The following NRXN2 variants were observed in gnomAD, a reference collection of about 807,000 sequenced individuals.
NRXN2 encodes neurexin 2, also known as neurexin-2-beta.
Under a neutral mutation model 128.8 loss-of-function variants are expected in NRXN2, and 29 were observed. The observed-to-expected ratio is 0.23, with a 90% CI of 0.17 to 0.31. The LOEUF (loss-of-function observed/expected upper bound fraction) is 0.31, where lower values mean the gene tolerates loss of function less well. NRXN2 is among the 10% of genes least tolerant of loss of function. The pLI, the probability that NRXN2 is intolerant of heterozygous loss-of-function variation, is 1.00. For synonymous variants in NRXN2, 1,098 were observed against 1,075.2 expected, an observed-to-expected ratio of 1.02 and a Z score of -0.41; for missense variants, 1,881 against 2,452.6, an observed-to-expected ratio of 0.77 and a Z score of 4.92.
Position 64,713,012 on chromosome 11 carries a change from C to A in NRXN2, c.688G>T (p.Asp230Tyr). The A allele has an allele frequency of 6.7e-7, 1 of 1,485,168 alleles. No individual in the cohort carries two copies. Among genetic ancestry groups the A allele is most frequent in the South Asian group, 1.3e-5 (1 of 79,390 alleles). 92.0% of individuals were successfully genotyped at this position (1,485,168 alleles called of 1,614,324 possible). Reference sequence around the variant, plus strand: ...CCGCCGAAGCCCGTGTGGCTGCAGTCGCAGCCCACCTCGCCGGGGGCCAGC... The same window carrying A: ...CCGCCGAAGCCCGTGTGGCTGCAGTAGCAGCCCACCTCGCCGGGGGCCAGC... ...TVLAPGEVGC[D>Y]CSHTGFGGKF... is the part of the protein sequence containing the mutation. Residue 230 changes from aspartate to tyrosine, a missense_variant, in exon 2 of 23, where the codon GAC (aspartate) becomes TAC (tyrosine). By Grantham distance (160) the Asp-to-Tyr change is radical (BLOSUM62 -3). Coordinates refer to ENST00000265459, the MANE Select transcript of NRXN2 (RefSeq NM_015080.4).
chr11:64,703,429 TAA>T (rs1024704558), intron 2 of NRXN2, among the ~76,000 whole-genome samples: 87 of 152,192 alleles, frequency 5.7e-4, no homozygotes, highest in African/African-American at 2.1e-3. Context: ...AAAGTAGGAG[TAA>T]CTTGGCCAAG....
chr11:64,716,332 A>G (rs1451419520), intron 1 of NRXN2, among the ~76,000 whole-genome samples: 1 of 145,964 alleles, frequency 6.9e-6, no homozygotes, highest in Non-Finnish European at 1.5e-5. Flanking sequence ...CACATCCACC[A>G]CCCTTTAGGG....
Position 64,651,413 on chromosome 11 carries a change from G to A in NRXN2, c.2760C>T (p.Val920=), listed in dbSNP as rs2135454844. The change falls in exon 14 of 23, where the codon GTC becomes GTT. Residue 920 remains valine, a synonymous_variant. Coordinates refer to ENST00000265459, the MANE Select transcript of NRXN2 (RefSeq NM_015080.4). This position sits in a 1 kb window ranked among gnomAD's most constrained non-coding sequence, Gnocchi z 5.9. ...FGLRAIVADP[V]TFKSRSSYLA... ...GGTAGCTGCTGCGACTCTTGAAGGT[G>A]ACGGGATCGGCCACGATGGCACGCA... is the stretch of plus-strand genomic sequence containing the variant. 6.2e-7 allele frequency: 1 copy of A among 1,614,228 alleles called. No individual in the cohort carries two copies. Among genetic ancestry groups the A allele is most frequent in the East Asian group, 2.2e-5 (1 of 44,892 alleles).
At chr11:64,692,695 A>C in intron 4 of NRXN2, 152 bp downstream of exon 4, 1 of 817,010 alleles carries the variant, frequency 1.2e-6, no homozygotes, top group Non-Finnish European at 2.1e-6. Flanking sequence ...AAAATTAAGA[A>C]ATGGCAAAGG....
intron 5 of NRXN2, among the ~76,000 whole-genome samples, chr11:64,687,181 G>A (rs2053177623): frequency 1.3e-5 from 2 of 152,234 alleles, no homozygotes; most frequent in Non-Finnish European, 2.9e-5. Context: ...ATTCTCAATA[G>A]ATGCTCCCAA....
chr11:64,626,450 T>C lies in NRXN2; in HGVS notation c.3847+13A>G. 1 of 1,579,190 alleles carries C rather than the reference T, an allele frequency of 6.3e-7. No individual in the cohort carries two copies. The highest frequency in any genetic ancestry group is 8.7e-7 in the Non-Finnish European group (1 of 1,148,414). On this transcript the variant is annotated intron_variant, in intron 20 of 22. Coordinates refer to ENST00000265459, the MANE Select transcript of NRXN2 (RefSeq NM_015080.4). ...AAAGTTAATTAATTAATTAATTAATTCTGGTTAATTACCTTTGTCGAGCAG... is the reference window on the plus strand; with the variant it reads ...AAAGTTAATTAATTAATTAATTAATCCTGGTTAATTACCTTTGTCGAGCAG...
At position 64,667,396 on chromosome 11, in the gene NRXN2, G is replaced by C; in HGVS notation, c.1652C>G (p.Ala551Gly). Residue 551 changes from alanine to glycine, a missense_variant, in exon 9 of 23, where the codon GCC (alanine) becomes GGC (glycine). Around this residue, in one of 7 missense-constraint regions of NRXN2, gnomAD observed 997 missense variants for 1,240.8 expected, o/e 0.80. Transcript: ENST00000265459. This position sits in a 1 kb window ranked among gnomAD's most constrained non-coding sequence, Gnocchi z 5.6. ...CAATAGCTCCATGGCAAAGTAGTCG[G>C]CCCGCTGAGCAGAGCTGTGGCTGCC... ...GAGSHSSAQR[A>G]DYFAMELLDG... is the part of the protein sequence containing the mutation. 1 of 1,614,186 alleles carries C rather than the reference G, an allele frequency of 6.2e-7. No individual in the cohort carries two copies. The highest frequency in any genetic ancestry group is 1.1e-5 in the South Asian group (1 of 91,080).
intron 2 of NRXN2, among the ~76,000 whole-genome samples, chr11:64,705,845 A>G (rs1366031181): frequency 6.9e-6 from 1 of 145,364 alleles, no homozygotes; most frequent in Non-Finnish European, 1.5e-5. Context: ...CTCTCCTCCC[A>G]CTCCACATCC....
At chr11:64,666,393 G>T (rs991987100) in intron 9 of NRXN2, among the ~76,000 whole-genome samples, 2 of 151,588 alleles carry the variant, frequency 1.3e-5, no homozygotes, top group Non-Finnish European at 2.9e-5. Flanking sequence ...GTAGAGACTG[G>T]GTTTCACCAT....
chr11:64,643,329 G>T lies in NRXN2; in HGVS notation c.3403+4890C>A, dbSNP rs1437717256. On this transcript the variant is annotated intron_variant, in intron 17 of 22. Transcript: ENST00000265459. ...GCCGCTGCTGCCGCTGCCGCCCGAC[G>T]GAGGCCGGGGGAAAGGAGGGAGCGG... The T allele has an allele frequency of 1.3e-5, 13 of 972,030 alleles. No homozygotes were observed. In the Admixed American group the frequency reaches 3.2e-4, roughly 24 times the overall value. 60.2% of individuals were successfully genotyped at this position (972,030 alleles called of 1,614,324 possible).
At chr11:64,614,363 T>C (rs1481792684) in intron 22 of NRXN2, among the ~76,000 whole-genome samples, 1 of 152,204 alleles carries the variant, frequency 6.6e-6, no homozygotes. Context: ...GAGAACTGTG[T>C]CTAGGTGGGG....
At chr11:64,636,486 G>A (rs1192702482) in intron 17 of NRXN2, among the ~76,000 whole-genome samples, 2 of 152,100 alleles carry the variant, frequency 1.3e-5, no homozygotes, top group Non-Finnish European at 2.9e-5. Flanking sequence ...TCCATGGCCT[G>A]CAGAGAAGGG....
At chr11:64,619,153 C>T (rs922501291) in intron 22 of NRXN2, among the ~76,000 whole-genome samples, 11 of 152,230 alleles carry the variant, frequency 7.2e-5, no homozygotes, top group East Asian at 5.8e-4. Context: ...CCGCAAGCAC[C>T]GGCCCCAACC....
In NRXN2 at chr11:64,607,242, G is replaced by A. The variant is rs779270035; in HGVS notation, c.5093C>T (p.Thr1698Met). 6.8e-6 allele frequency: 11 copies of A among 1,613,836 alleles called. No homozygotes were observed. The highest frequency in any genetic ancestry group is 2.7e-5 in the African/African-American group (2 of 74,896). ...TTTGTTCTTCTTGGCCTTGCTGGGCGTCTTGGGGGCAGCCGGGGCCTTCTC... is the reference window on the plus strand; with the variant it reads ...TTTGTTCTTCTTGGCCTTGCTGGGCATCTTGGGGGCAGCCGGGGCCTTCTC... The part of the protein sequence containing the change: ...VKEKAPAAPK[T>M]PSKAKKNKDK... The change falls in exon 23 of 23, where the codon ACG becomes ATG. Residue 1698 changes from threonine (T) to methionine (M), a missense_variant. Coordinates refer to ENST00000265459, the MANE Select transcript of NRXN2 (RefSeq NM_015080.4).
intron 22 of NRXN2, among the ~76,000 whole-genome samples, chr11:64,617,161 C>CGT (rs35015925): frequency 0.064 from 9,695 of 151,322 alleles, 1,061 homozygotes; most frequent in African/African-American, 0.22. Flanking sequence ...TAGGTTTGAA[C>CGT]GTGTGTGTGT....
At chr11:64,657,920 T>C (rs926188608) in intron 11 of NRXN2, among the ~76,000 whole-genome samples, 1 of 152,182 alleles carries the variant, frequency 6.6e-6, no homozygotes, top group African/African-American at 2.4e-5. Context: ...AGTCCTGTTA[T>C]CTGTCAGTCT....
rs761021473 is a variant in NRXN2 at position 64,661,045 on chromosome 11, G to A, written c.1893C>T (p.Leu631=). 32 of 1,613,408 alleles carry A rather than the reference G, an allele frequency of 2.0e-5. No homozygotes were observed. The highest frequency in any genetic ancestry group is 4.2e-6 in the Non-Finnish European group (5 of 1,180,022). The change falls in exon 10 of 23, where the codon CTC becomes CTT. Residue 631 remains leucine, a synonymous_variant. Coordinates refer to ENST00000265459, the MANE Select transcript of NRXN2 (RefSeq NM_015080.4). ...DLESELYLGG[L]PEGGRVDLPL... ...GCAGGTCCACCCGGCCCCCCTCAGG[G>A]AGACCGCCCAGGTACAGCTCACTCT...
At chr11:64,662,495 G>T (rs1227729761) in intron 9 of NRXN2, among the ~76,000 whole-genome samples, 1 of 151,864 alleles carries the variant, frequency 6.6e-6, no homozygotes, top group Non-Finnish European at 1.5e-5. Flanking sequence ...TTTAAAAGGG[G>T]TCGGGGCCGG....
chr11:64,637,378 A>AC (rs1294091772), intron 17 of NRXN2: 1 of 151,510 alleles, frequency 6.6e-6, no homozygotes, highest in African/African-American at 2.4e-5. Flanking sequence ...GTATGCAGTG[A>AC]CCCCCACCCC....
Sources: gnomAD v4.1 joint callset for allele counts (sites outside exome capture counted in the v4.1 genomes callset) on GRCh38, gnomAD v4.1.1 for gene constraint, gnomAD v4.1.1 regional missense constraint, Gnocchi (gnomAD v3.1) non-coding constraint, MANE v1.5 for transcripts, NCBI Gene and HGNC (gene_info 2026-07-23, HGNC 2026-07-21) for gene names.